Variants in TRERF1 observed in about 807,000 individuals in gnomAD.
TRERF1 encodes the protein transcriptional regulating factor 1, also known as transcriptional-regulating factor 1.
Under a neutral mutation model 122.9 loss-of-function variants are expected in TRERF1, and 27 were observed. The observed-to-expected ratio is 0.22, with a 90% CI of 0.16 to 0.30. The LOEUF is 0.30. Ranked by LOEUF, TRERF1 falls within the 10% of genes least tolerant of loss-of-function variation. The pLI is 1.00. For missense variants in TRERF1, 1,248 were observed against 1,560.3 expected (o/e 0.80, Z 3.37); for synonymous variants, 636 against 641.7 (o/e 0.99, Z 0.13).
intron 2 of TRERF1, among the ~76,000 whole-genome samples, chr6:42,425,474 T>C (rs1429035617): frequency 6.8e-6 from 1 of 146,516 alleles, no homozygotes; most frequent in African/African-American, 2.5e-5. Context: ...AAGTCCAGTG[T>C]GGCCCCAGAG....
At chr6:42,414,345 CCT>C (rs1429193572) in intron 2 of TRERF1, among the ~76,000 whole-genome samples, 1 of 152,148 alleles carries the variant, frequency 6.6e-6, no homozygotes. Context: ...CAAGAGGGCA[CCT>C]CTGTTACAAG....
intron 3 of TRERF1, among the ~76,000 whole-genome samples, chr6:42,328,792 A>G (rs760506491): frequency 6.6e-6 from 1 of 152,184 alleles, no homozygotes. Context: ...AACTGAGTTT[A>G]CTTTCTAGGC....
rs1471539992 is a variant in TRERF1 at position 42,228,807 on chromosome 6, G to A, written c.3279-138C>T. 3.8e-6 allele frequency: 3 copies of A among 784,540 alleles called. No homozygotes were observed. The highest frequency in any genetic ancestry group is 6.2e-6 in the Non-Finnish European group (3 of 484,496). The allele number at this position is 784,540 out of a possible 1,614,324, so 48.6% of individuals were successfully genotyped here. On this transcript the variant is annotated intron_variant, in intron 17 of 17. Transcript: ENST00000372922. This position sits in a 1 kb window ranked among gnomAD's most constrained non-coding sequence, Gnocchi z 4.2. ...TCGGCTTCTAGGACCTCCTTCCCCT[G>A]TGACCTGTCACCTCTCTTCCTTCCT...
At chr6:42,250,942 TTCTG>T (rs943777568) in intron 13 of TRERF1, among the ~76,000 whole-genome samples, 26 of 151,856 alleles carry the variant, frequency 1.7e-4, no homozygotes, top group Non-Finnish European at 5.9e-5. Context: ...TAGAGGGCCT[TTCTG>T]TCTTTCTTAA....
chr6:42,236,311 G>A lies in TRERF1; in HGVS notation c.2960C>T (p.Pro987Leu), dbSNP rs375818850. 125 of 1,605,064 alleles carry A rather than the reference G, an allele frequency of 7.8e-5. No individual in the cohort carries two copies. Among genetic ancestry groups the A allele is most frequent in the Non-Finnish European group, 9.3e-5 (109 of 1,175,880 alleles). Reference sequence around the variant, plus strand: ...CAGGACGGGGACGGGTGGTGGCTCCGGGGACTTCGGCACCTCACTCTCTTC... The same window carrying A: ...CAGGACGGGGACGGGTGGTGGCTCCAGGGACTTCGGCACCTCACTCTCTTC... The change falls in exon 16 of 18, where the codon CCG becomes CTG. Residue 987 changes from proline to leucine, a missense_variant. Pro to Leu is a moderately conservative substitution (Grantham distance 98). Transcript: ENST00000372922.
At chr6:42,345,732 T>C (rs1340675826) in intron 3 of TRERF1, among the ~76,000 whole-genome samples, 1 of 152,258 alleles carries the variant, frequency 6.6e-6, no homozygotes, top group African/African-American at 2.4e-5. Context: ...AGTATTAAAC[T>C]GGAAGTCAGG....
intron 3 of TRERF1, among the ~76,000 whole-genome samples, chr6:42,344,424 G>A (rs897505683): frequency 1.3e-5 from 2 of 152,170 alleles, no homozygotes; most frequent in African/African-American, 2.4e-5. Flanking sequence ...CTGAGGCCCA[G>A]AGAAGATGAG....
intron 2 of TRERF1, among the ~76,000 whole-genome samples, chr6:42,399,479 C>T (rs546750406): frequency 6.6e-5 from 10 of 152,250 alleles, no homozygotes; most frequent in African/African-American, 1.2e-4. Flanking sequence ...AAGAGGTCCT[C>T]CTGAATGGAA....
At chr6:42,396,128 G>A (rs532132573) in intron 2 of TRERF1, among the ~76,000 whole-genome samples, 27 of 152,090 alleles carry the variant, frequency 1.8e-4, no homozygotes, top group Non-Finnish European at 2.8e-4. Flanking sequence ...CACCCTCTAA[G>A]GACTCCATCA....
Position 42,268,936 on chromosome 6 carries a change from G to C in TRERF1, c.655C>G (p.Pro219Ala). Residue 219 changes from proline to alanine, a missense_variant, in exon 5 of 18, where the codon CCA (proline) becomes GCA (alanine). Pro to Ala is a conservative substitution (Grantham distance 27). Around this residue, in one of 5 missense-constraint regions of TRERF1, gnomAD observed 946 missense variants for 1,073.0 expected, o/e 0.88. Coordinates refer to ENST00000372922, the Ensembl canonical transcript of TRERF1. This position sits in a 1 kb window ranked among gnomAD's most constrained non-coding sequence, Gnocchi z 4.4. ...GGGTGCTGCCCGACCTGAAGAGCTG[G>C]TTTGGACAGCCCACCAGTGAAACCA... The C allele has an allele frequency of 6.2e-7, 1 of 1,612,618 alleles. No homozygotes were observed. Among genetic ancestry groups the C allele is most frequent in the Non-Finnish European group, 8.5e-7 (1 of 1,178,842 alleles).
At chr6:42,432,947 T>C (rs1254653942) in intron 2 of TRERF1, among the ~76,000 whole-genome samples, 3 of 152,118 alleles carry the variant, frequency 2.0e-5, no homozygotes, top group Non-Finnish European at 2.9e-5. Context: ...GACTTCGCTT[T>C]CAGGTATTAT....
rs560065629 is a variant in TRERF1, at chr6:42,421,464, C to A, written c.-454+29713G>T. Among the ~76,000 whole-genome samples the A allele has an allele frequency of 3.3e-5, 5 of 152,092 alleles. No individual in the cohort carries two copies. In the South Asian group the frequency reaches 1.0e-3, roughly 32 times the overall value. On this transcript the variant is annotated intron_variant, in intron 2 of 17. Coordinates refer to ENST00000372922, the Ensembl canonical transcript of TRERF1. The stretch of plus-strand genomic sequence containing the variant: ...CCTACTTTCCTCTTTCCTTTCTATT[C>A]ATTTCCTTTTTAAAAACTGCTGGTC...
rs1778569983 is a variant in TRERF1, at chr6:42,263,322, G to C, written c.1882C>G (p.Leu628Val). ...GGGGGAGAGAGGGTCATCCTCACGA[G>C]CACAGGCATCTCGTCGTCCGACATC... The change falls in exon 8 of 18, where the codon CTC becomes GTC. Residue 628 changes from leucine to valine, a missense_variant and splice_region_variant. Physicochemically the swap from Leu to Val is conservative, Grantham distance 32. Coordinates refer to ENST00000372922, the Ensembl canonical transcript of TRERF1. This position sits in a 1 kb window ranked among gnomAD's most constrained non-coding sequence, Gnocchi z 5.6. 3 of 1,611,112 alleles carry C rather than the reference G, an allele frequency of 1.9e-6. No homozygotes were observed. The highest frequency in any genetic ancestry group is 2.5e-6 in the Non-Finnish European group (3 of 1,178,690).
intron 4 of TRERF1, among the ~76,000 whole-genome samples, chr6:42,280,696 T>C (rs995826808): frequency 6.6e-6 from 1 of 152,050 alleles, no homozygotes; most frequent in South Asian, 2.1e-4. Context: ...CTCACCCTCA[T>C]GGCACCCTGT....
chr6:42,396,946 C>T (rs1387595866), intron 2 of TRERF1, among the ~76,000 whole-genome samples: 3 of 152,200 alleles, frequency 2.0e-5, no homozygotes, highest in African/African-American at 4.8e-5. Context: ...CCCTCACCCA[C>T]AAACCCCCTT....
intron 13 of TRERF1, among the ~76,000 whole-genome samples, chr6:42,249,462 G>C (rs1256477494): frequency 6.6e-6 from 1 of 152,204 alleles, no homozygotes; most frequent in Non-Finnish European, 1.5e-5. Context: ...CTTGCCAGAT[G>C]CAACTCCACT....
intron 2 of TRERF1, among the ~76,000 whole-genome samples, chr6:42,407,115 A>C (rs914404459): frequency 1.8e-4 from 27 of 152,232 alleles, no homozygotes; most frequent in African/African-American, 6.3e-4. Flanking sequence ...TAAACACACC[A>C]GATAAGTGGC....
chr6:42,291,959 ATT>A (rs1431640282), intron 4 of TRERF1, among the ~76,000 whole-genome samples: 1 of 152,104 alleles, frequency 6.6e-6, no homozygotes, highest in Non-Finnish European at 1.5e-5. Context: ...GGAGTCAAAG[ATT>A]GGGGTTCAAA....
intron 3 of TRERF1, among the ~76,000 whole-genome samples, chr6:42,322,688 A>G (rs1763641978): frequency 6.6e-6 from 1 of 152,200 alleles, no homozygotes; most frequent in African/African-American, 2.4e-5. Context: ...TGCAGAGACT[A>G]AGTATGAGAC....
Sources: gnomAD v4.1 joint callset for allele counts (sites outside exome capture counted in the v4.1 genomes callset) on GRCh38, gnomAD v4.1.1 for gene constraint, gnomAD v4.1.1 regional missense constraint, Gnocchi (gnomAD v3.1) non-coding constraint, MANE v1.5 for transcripts, NCBI Gene and HGNC (gene_info 2026-07-23, HGNC 2026-07-21) for gene names.